PCDHGA2: variants seen among roughly 807,000 people sequenced by gnomAD.
The protein encoded by PCDHGA2 is protocadherin gamma subfamily A, 2.
A neutral mutation model predicts 59.2 loss-of-function variants in PCDHGA2; 40 were observed. The ratio of observed to expected loss-of-function variants is 0.68; its 90% confidence interval spans 0.52 to 0.88. The LOEUF (loss-of-function observed/expected upper bound fraction) is 0.88. PCDHGA2 is among the 40% of genes least tolerant of loss of function. PCDHGA2 has a pLI of 0.00. For missense variants in PCDHGA2, 1,226 were observed against 1,204.0 expected (o/e 1.02, Z -0.27); for synonymous variants, 560 against 526.0 (o/e 1.06, Z -0.89).
chr5:141,348,262 C>A lies in PCDHGA2; in HGVS notation c.2424+6867C>A, dbSNP rs566498840. Among the ~76,000 whole-genome samples, 17 of 152,256 alleles carry A rather than the reference C, an allele frequency of 1.1e-4. No homozygotes were observed. The South Asian group carries it at 2.3e-3, about 20-fold the overall frequency. ...TGTATGAGACAACAGGGCCAGAACA[C>A]AAAAGCTGTAAGCAGAGTAAGGTGT... On this transcript the variant is annotated intron_variant, in intron 1 of 3. Transcript: ENST00000394576.
chr5:141,371,323 AAG>A, intron 1 of PCDHGA2: 1 of 1,614,012 alleles, frequency 6.2e-7, no homozygotes, highest in Non-Finnish European at 8.5e-7. Context: ...CTGGACTTTG[AAG>A]AGAGAGATAG....
intron 1 of PCDHGA2, chr5:141,420,146 C>G (rs372634787): frequency 1.9e-6 from 3 of 1,613,962 alleles, no homozygotes; most frequent in Non-Finnish European, 2.5e-6. Flanking sequence ...TCAAATGAAT[C>G]CAGAATTTAA....
chr5:141,382,131 C>G (rs2150200415), intron 1 of PCDHGA2, among the ~76,000 whole-genome samples: 1 of 152,134 alleles, frequency 6.6e-6, no homozygotes, highest in African/African-American at 2.4e-5. Flanking sequence ...CCTGGCCCCC[C>G]CTCTCATTTT....
intron 1 of PCDHGA2, chr5:141,356,210 T>C (rs1037519261): frequency 6.2e-7 from 1 of 1,605,038 alleles, no homozygotes; most frequent in Non-Finnish European, 8.5e-7. Context: ...CTGGTGACAG[T>C]TCTGGATGAA....
At chr5:141,419,086 C>G (rs2096324558) in intron 1 of PCDHGA2, 1 of 1,613,808 alleles carries the variant, frequency 6.2e-7, no homozygotes, top group African/African-American at 1.3e-5. Context: ...CAGATGAGGC[C>G]CTGGATCGGG....
At chr5:141,409,687 C>A (rs1190888512) in intron 1 of PCDHGA2, 2 of 1,613,202 alleles carry the variant, frequency 1.2e-6, no homozygotes, top group East Asian at 4.5e-5. Context: ...TGGCGAGTGA[C>A]CTAGAGCCCC....
chr5:141,431,774 G>T lies in PCDHGA2; in HGVS notation c.2425-63033G>T. Reference sequence around the variant, plus strand: ...AGCCAAAGTCCTGATCACTGTTCTGGACGTGAACGACAATGCCCCAGAAGT... The same window carrying T: ...AGCCAAAGTCCTGATCACTGTTCTGTACGTGAACGACAATGCCCCAGAAGT... On this transcript the variant is annotated intron_variant, in intron 1 of 3. Transcript: ENST00000394576. This position sits in a 1 kb window ranked among gnomAD's most constrained non-coding sequence, Gnocchi z 4.8. 5 of 1,614,204 alleles carry T rather than the reference G, an allele frequency of 3.1e-6. No individual in the cohort carries two copies. The highest frequency in any genetic ancestry group is 4.2e-6 in the Non-Finnish European group (5 of 1,180,038).
intron 1 of PCDHGA2, among the ~76,000 whole-genome samples, chr5:141,433,641 G>A (rs1177387884): frequency 6.6e-6 from 1 of 152,104 alleles, no homozygotes; most frequent in Non-Finnish European, 1.5e-5. Flanking sequence ...TTTGAGACCA[G>A]CCTGACCAAC....
At chr5:141,398,207 C>T (rs1368284039) in intron 1 of PCDHGA2, 3 of 1,488,636 alleles carry the variant, frequency 2.0e-6, no homozygotes, top group South Asian at 2.6e-5. Flanking sequence ...TTGTTCTGCC[C>T]GGCGCTCTGT....
At chr5:141,368,236 C>T (rs1444187989) in intron 1 of PCDHGA2, among the ~76,000 whole-genome samples, 1 of 152,160 alleles carries the variant, frequency 6.6e-6, no homozygotes, top group Non-Finnish European at 1.5e-5. Context: ...CTACATTACT[C>T]AACCACATGA....
At chr5:141,343,240 A>G in intron 1 of PCDHGA2, 1 of 911,810 alleles carries the variant, frequency 1.1e-6, no homozygotes, top group Non-Finnish European at 1.3e-6. Flanking sequence ...ATAACAACAA[A>G]TATCGAAACT....
In PCDHGA2 at chr5:141,356,915, C is replaced by T. The variant is rs766171265; in HGVS notation, c.2424+15520C>T. 7.4e-6 allele frequency: 12 copies of T among 1,614,206 alleles called. No homozygotes were observed. In the South Asian group the frequency reaches 1.1e-4, roughly 15 times the overall value. ...TACCCCACCTTCCCTACTGATGGCT[C>T]CACTGGTGTGGAGCTGGCACCCCGC... On this transcript the variant is annotated intron_variant, in intron 1 of 3. Transcript: ENST00000394576.
Position 141,431,135 on chromosome 5 carries a change from A to G in PCDHGA2, c.2425-63672A>G, listed in dbSNP as rs140069213. The G allele has an allele frequency of 1.5e-5, 24 of 1,614,266 alleles. No homozygotes were observed. In the African/African-American group the frequency reaches 3.1e-4, roughly 21 times the overall value. Reference sequence around the variant, plus strand: ...TGGAGTAGAAGTAGAAGTAAGGGACATTAACGACAATGCGCCTTACTTTCG... The same window carrying G: ...TGGAGTAGAAGTAGAAGTAAGGGACGTTAACGACAATGCGCCTTACTTTCG... On this transcript the variant is annotated intron_variant, in intron 1 of 3. Transcript: ENST00000394576. This position sits in a 1 kb window ranked among gnomAD's most constrained non-coding sequence, Gnocchi z 4.8.
In PCDHGA2 at chr5:141,340,037, G is replaced by A; in HGVS notation, c.1066G>A (p.Val356Ile). The change falls in exon 1 of 4, where the codon GTT becomes ATT. Residue 356 changes from valine (V) to isoleucine (I), a missense_variant. By Grantham distance (29) the Val-to-Ile change is conservative (BLOSUM62 3). Coordinates refer to ENST00000394576, the MANE Select transcript of PCDHGA2 (RefSeq NM_018915.4). Reference sequence around the variant, plus strand: ...TTACATGACATCTGCTACTAGCTCAGTTTCTGAAGACTCTCTTCCAGGAAC... The same window carrying A: ...TTACATGACATCTGCTACTAGCTCAATTTCTGAAGACTCTCTTCCAGGAAC... ...EFYMTSATSSVSEDSLPGTII... is the reference protein window; with the variant it reads ...EFYMTSATSSISEDSLPGTII... 1.2e-6 allele frequency: 2 copies of A among 1,614,198 alleles called. No individual in the cohort carries two copies. Among genetic ancestry groups the A allele is most frequent in the African/African-American group, 1.3e-5 (1 of 75,052 alleles).
chr5:141,438,721 G>A (rs886300746), intron 1 of PCDHGA2, among the ~76,000 whole-genome samples: 30 of 148,304 alleles, frequency 2.0e-4, no homozygotes, highest in Non-Finnish European at 7.4e-5. Flanking sequence ...AGTGCAAGTG[G>A]TGTGATCTCA....
chr5:141,413,012 A>G (rs937468289), intron 1 of PCDHGA2: 10 of 657,718 alleles, frequency 1.5e-5, no homozygotes, highest in Middle Eastern at 4.2e-4. Flanking sequence ...GGCTTCAACT[A>G]CACAAGCCCC....
At chr5:141,383,860 G>T (rs772168555) in intron 1 of PCDHGA2, 11 of 1,613,926 alleles carry the variant, frequency 6.8e-6, no homozygotes, top group Non-Finnish European at 9.3e-6. Flanking sequence ...GGAGGTTCAG[G>T]CTCAAGATGG....
intron 1 of PCDHGA2, chr5:141,341,720 A>T: frequency 4.3e-6 from 2 of 464,682 alleles, no homozygotes; most frequent in Non-Finnish European, 3.7e-6. Context: ...CACCCAGATC[A>T]ACAATTTTTT....
Position 141,505,475 on chromosome 5 carries a change from G to A in PCDHGA2, c.2566G>A (p.Ala856Thr), listed in dbSNP as rs769108315. The A allele has an allele frequency of 2.2e-5, 35 of 1,614,098 alleles. No homozygotes were observed. Among genetic ancestry groups the A allele is most frequent in the South Asian group, 5.5e-5 (5 of 91,090 alleles). ...GCTGCAAGCCATGATCTTGGCGTCC[G>A]CCAGTGGTAAGTGGTGTCAGTGTGT... ...EMLQAMILAS[A>T]SEAADGSSTL... The change falls in exon 3 of 4, where the codon GCC becomes ACC. Residue 856 changes from alanine to threonine, a missense_variant. Physicochemically the swap from Ala to Thr is moderately conservative, Grantham distance 58. Transcript: ENST00000394576.
Sources: allele counts gnomAD v4.1 joint callset (sites outside exome capture counted in the v4.1 genomes callset), GRCh38; gene constraint gnomAD v4.1.1; non-coding constraint Gnocchi (gnomAD v3.1); transcripts MANE v1.5; gene names NCBI Gene and HGNC (gene_info 2026-07-23, HGNC 2026-07-21).